Variants in DNAH7 observed in about 807,000 individuals in gnomAD.
The protein encoded by DNAH7 is axonemal beta dynein heavy chain 7.
DNAH7 carries 397 observed loss-of-function variants against 444.6 expected under a neutral mutation model. That is an observed-to-expected ratio of 0.89 (90% CI 0.82 to 0.97). The LOEUF is 0.97. Among genes scored for constraint, DNAH7 ranks in the 50% least tolerant of loss-of-function variants. DNAH7 has a pLI of 0.00. For missense variants in DNAH7, 4,902 were observed against 4,800.8 expected (o/e 1.02, Z -0.62); for synonymous variants, 1,636 against 1,624.4 (o/e 1.01, Z -0.17).
intron 5 of DNAH7, among the ~76,000 whole-genome samples, chr2:196,044,921 C>G (rs1162395112): frequency 6.6e-6 from 1 of 151,784 alleles, no homozygotes; most frequent in Non-Finnish European, 1.5e-5. Context: ...AATAATAATA[C>G]AAAAAATTAG....
intron 2 of DNAH7, among the ~76,000 whole-genome samples, chr2:196,054,640 A>G (rs558597615): frequency 1.3e-5 from 2 of 152,222 alleles, no homozygotes; most frequent in South Asian, 4.2e-4. Context: ...GATGAGTGAC[A>G]TGGTTTGGCT....
chr2:195,754,107 A>G lies in DNAH7; in HGVS notation c.11764+230T>C, dbSNP rs531318950. On this transcript the variant is annotated intron_variant, in intron 63 of 64. Transcript: ENST00000312428. ...TTATCCAGATTCATCTACTGTTATC[A>G]TTTTCTTCCCCTATTTGCTTGATCA... is the stretch of plus-strand genomic sequence containing the variant. Among the ~76,000 whole-genome samples the G allele has an allele frequency of 3.9e-5, 6 of 152,026 alleles. No individual in the cohort carries two copies. In the South Asian group the frequency reaches 8.3e-4, roughly 21 times the overall value.
At chr2:195,814,254 A>G (rs1251220077) in intron 51 of DNAH7, among the ~76,000 whole-genome samples, 4 of 152,246 alleles carry the variant, frequency 2.6e-5, no homozygotes, top group Admixed American at 2.6e-4. Flanking sequence ...TTCCAAAATT[A>G]TACTTTTAGT....
rs1204760965 is a variant in DNAH7 at position 195,960,337 on chromosome 2, CA to C, written c.2813del (p.Met938SerfsTer26). ...FILASVDEIQMLLDDHIIKTQ... is the reference protein window; with the variant it reads ...FILASVDEIQXLLDDHIIKTQ... ...TTTTAATAATATGGTCATCCAACAA[CA>C]TCTGAATTTCATCAACTGATGCCAA... On this transcript the variant is annotated frameshift_variant, in exon 18 of 65. Coordinates refer to ENST00000312428, the MANE Select transcript of DNAH7 (RefSeq NM_018897.3). LOFTEE classifies it high-confidence loss of function. The C allele has an allele frequency of 9.9e-6, 16 of 1,613,834 alleles. No homozygotes were observed. Among genetic ancestry groups the C allele is most frequent in the Admixed American group, 1.7e-5 (1 of 60,000 alleles).
At chr2:195,990,232 C>A (rs116526988) in intron 12 of DNAH7, among the ~76,000 whole-genome samples, 1 of 152,012 alleles carries the variant, frequency 6.6e-6, no homozygotes, top group African/African-American at 2.4e-5. Flanking sequence ...ATCTTTAATC[C>A]GCTTTGAGGT....
chr2:195,854,051 A>G (rs989665159), intron 45 of DNAH7, among the ~76,000 whole-genome samples: 1 of 152,206 alleles, frequency 6.6e-6, no homozygotes, highest in African/African-American at 2.4e-5. Flanking sequence ...TAGGACACCA[A>G]TCAATAGCTG....
At chr2:196,010,133 T>C (rs1317884480) in intron 10 of DNAH7, among the ~76,000 whole-genome samples, 3 of 151,466 alleles carry the variant, frequency 2.0e-5, no homozygotes, top group African/African-American at 4.9e-5. Flanking sequence ...CTCCCTGCTC[T>C]TCTTCTTCTT....
chr2:195,937,859 T>C (rs1348709001), intron 19 of DNAH7, among the ~76,000 whole-genome samples: 1 of 152,140 alleles, frequency 6.6e-6, no homozygotes, highest in Non-Finnish European at 1.5e-5. Context: ...AACAGAGATT[T>C]CAATCGCCAA....
At chr2:196,040,858 T>C (rs1053051192) in intron 5 of DNAH7, among the ~76,000 whole-genome samples, 3 of 152,066 alleles carry the variant, frequency 2.0e-5, no homozygotes, top group African/African-American at 7.2e-5. Flanking sequence ...AACTGATAAA[T>C]GATTTCAGCA....
At chr2:195,915,239 A>G (rs1687602163) in intron 24 of DNAH7, among the ~76,000 whole-genome samples, 1 of 152,210 alleles carries the variant, frequency 6.6e-6, no homozygotes, top group Admixed American at 6.5e-5. Context: ...GAGATTCGTA[A>G]TGTAGGGAAT....
At chr2:195,835,101 T>C (rs981808244) in intron 47 of DNAH7, among the ~76,000 whole-genome samples, 1 of 152,174 alleles carries the variant, frequency 6.6e-6, no homozygotes, top group Non-Finnish European at 1.5e-5. Flanking sequence ...GCAATTACTG[T>C]ATGATATTCA....
At chr2:195,763,869 C>G (rs1475042400) in intron 61 of DNAH7, among the ~76,000 whole-genome samples, 1 of 151,894 alleles carries the variant, frequency 6.6e-6, no homozygotes, top group East Asian at 1.9e-4. Context: ...TAATTACAAA[C>G]TTATTCCATG....
chr2:195,815,491 G>A (rs1339711082), intron 51 of DNAH7, among the ~76,000 whole-genome samples: 1 of 151,946 alleles, frequency 6.6e-6, no homozygotes, highest in African/African-American at 2.4e-5. Flanking sequence ...CTATGATAAA[G>A]GAATTAAATT....
intron 12 of DNAH7, among the ~76,000 whole-genome samples, chr2:195,997,810 C>G (rs1329412434): frequency 1.3e-5 from 2 of 152,088 alleles, no homozygotes; most frequent in Admixed American, 6.6e-5. Flanking sequence ...ATTCATGATA[C>G]CCTACATATC....
At chr2:195,815,595 C>T (rs988864646) in intron 51 of DNAH7, among the ~76,000 whole-genome samples, 1 of 152,156 alleles carries the variant, frequency 6.6e-6, no homozygotes, top group Non-Finnish European at 1.5e-5. Flanking sequence ...TGGGTCTGAA[C>T]AGTCAAGAAA....
intron 40 of DNAH7, among the ~76,000 whole-genome samples, chr2:195,869,693 A>T (rs1700563383): frequency 6.6e-6 from 1 of 152,054 alleles, no homozygotes; most frequent in African/African-American, 2.4e-5. Context: ...AATAGCCAGG[A>T]GACCTGTACT....
At chr2:195,895,261 T>C in intron 29 of DNAH7, 37 bp from the exon 30 acceptor site, 2 of 1,362,412 alleles carry the variant, frequency 1.5e-6, no homozygotes, top group Non-Finnish European at 2.0e-6. Context: ...ACATTTTATA[T>C]ATTTATATTA....
Position 196,012,899 on chromosome 2 carries a change from G to C in DNAH7, c.877C>G (p.Arg293Gly). Residue 293 changes from arginine to glycine, a missense_variant, in exon 10 of 65, where the codon CGT becomes GGT. Arg to Gly is a moderately radical substitution (Grantham distance 125, BLOSUM62 -2). Transcript: ENST00000312428. ...TGAAATTCTTTGATATCAACTAAAC[G>C]TAATTTTCTGCAAAAGATAAAAATA... Reference protein sequence around the residue: ...DLWHTNFKKLRLVDIKEFHNC... With the variant: ...DLWHTNFKKLGLVDIKEFHNC... 1 of 1,480,752 alleles carries C rather than the reference G, an allele frequency of 6.8e-7. No individual in the cohort carries two copies. Among genetic ancestry groups the C allele is most frequent in the South Asian group, 1.5e-5 (1 of 68,182 alleles). The allele number at this position is 1,480,752 out of a possible 1,614,324, so 91.7% of individuals were successfully genotyped here.
At position 195,882,954 on chromosome 2, in the gene DNAH7, C is replaced by A. The variant is rs552668250; in HGVS notation, c.5764-962G>T. ...ACTGAGGCTAGCACTGTGCTTTATT[C>A]ATTCTTGTATCTTCAGGTACAAGGC... On this transcript the variant is annotated intron_variant, in intron 35 of 64. Transcript: ENST00000312428. Among the ~76,000 whole-genome samples the A allele has an allele frequency of 1.6e-4, 25 of 152,238 alleles. 1 individual carries two copies. The highest frequency in any genetic ancestry group is 1.4e-3 in the Admixed American group (21 of 15,296).
Sources: gnomAD v4.1 joint callset for allele counts (sites outside exome capture counted in the v4.1 genomes callset) on GRCh38, gnomAD v4.1.1 for gene constraint, MANE v1.5 for transcripts, NCBI Gene and HGNC (gene_info 2026-07-23, HGNC 2026-07-21) for gene names.